The following BLVRA variants were observed in gnomAD, a reference collection of about 807,000 sequenced individuals.
The protein encoded by BLVRA is BVR A.
BLVRA carries 22 observed loss-of-function variants against 32.8 expected under a neutral mutation model. That is an observed-to-expected ratio of 0.67 (90% CI 0.48 to 0.96). The LOEUF (loss-of-function observed/expected upper bound fraction) is 0.96, where lower values mean the gene tolerates loss of function less well. BLVRA is among the 40% of genes least tolerant of loss of function. BLVRA has a pLI of 0.00. For missense variants in BLVRA, 323 were observed against 358.1 expected (o/e 0.90, Z 0.79); for synonymous variants, 119 against 141.3 (o/e 0.84, Z 1.12).
At chr7:43,799,458 GCTTT>G (rs1345911421) in intron 5 of BLVRA, among the ~76,000 whole-genome samples, 1 of 152,058 alleles carries the variant, frequency 6.6e-6, no homozygotes, top group African/African-American at 2.4e-5. Flanking sequence ...ATTGTTAACA[GCTTT>G]CTTTTATAAT....
chr7:43,784,904 G>A (rs2095775177), intron 2 of BLVRA, among the ~76,000 whole-genome samples: 1 of 152,084 alleles, frequency 6.6e-6, no homozygotes. Context: ...CTACTGCACT[G>A]GGCCTTTCAC....
At chr7:43,788,128 TC>T in intron 3 of BLVRA, 103 bp downstream of exon 3, 4 of 1,585,832 alleles carry the variant, frequency 2.5e-6, no homozygotes, top group Non-Finnish European at 2.6e-6. Context: ...GGGAGAGCCA[TC>T]TCCCAACTGA....
chr7:43,804,031 C>T (rs562069753), intron 7 of BLVRA, among the ~76,000 whole-genome samples, 184 bp downstream of exon 7: 2 of 152,314 alleles, frequency 1.3e-5, no homozygotes, highest in East Asian at 3.9e-4. Flanking sequence ...CTCAGCAGCC[C>T]TGTGAGGTAA....
rs551503141 is a variant in BLVRA at position 43,806,941 on chromosome 7, T to A, written c.633-36T>A. The stretch of plus-strand genomic sequence containing the variant: ...AGCACCCACTTGTGCTCTTGTGTAA[T>A]CTCTAACATGATTCTTTTGTCTTTT... On this transcript the variant is annotated intron_variant, in intron 7 of 7. Coordinates refer to ENST00000265523, the MANE Select transcript of BLVRA (RefSeq NM_000712.4). The A allele has an allele frequency of 2.5e-6, 4 of 1,612,134 alleles. No homozygotes were observed. In the South Asian group the frequency reaches 4.4e-5, roughly 18 times the overall value.
upstream of BLVRA, among the ~76,000 whole-genome samples, chr7:43,758,484 G>T (rs2095738583): frequency 7.3e-6 from 1 of 136,990 alleles, no homozygotes; most frequent in Non-Finnish European, 1.7e-5. Flanking sequence ...CGCACGGACG[G>T]TTCTTACGGC....
chr7:43,776,810 A>G (rs1362363946), intron 2 of BLVRA, among the ~76,000 whole-genome samples: 2 of 152,116 alleles, frequency 1.3e-5, no homozygotes, highest in Non-Finnish European at 2.9e-5. Flanking sequence ...GACTTGCTTT[A>G]TGAATCTGGG....
Position 43,788,043 on chromosome 7 carries a change from T to C in BLVRA, c.134+18T>C, listed in dbSNP as rs2095780309. ...GTGTCGAGGTGGCTCACAATGTCTT[T>C]GTGCTTCATAATTCATGGAAAGCCC... is the stretch of plus-strand genomic sequence containing the variant. On this transcript the variant is annotated intron_variant, in intron 3 of 7. Transcript: ENST00000265523. 1.9e-6 allele frequency: 3 copies of C among 1,614,096 alleles called. No homozygotes were observed. Among genetic ancestry groups the C allele is most frequent in the African/African-American group, 2.7e-5 (2 of 74,944 alleles).
In BLVRA at chr7:43,791,278, A is replaced by C; in HGVS notation, c.164A>C (p.Gln55Pro). ...GAGCTCGGGAGCATTGATGGAGTCC[A>C]GCAGATTTCTTTGGAGGATGCTCTT... ...RRELGSIDGV[Q>P]QISLEDALSS... The change falls in exon 4 of 8, where the codon CAG (glutamine) becomes CCG (proline). Residue 55 changes from glutamine to proline, a missense_variant. Gln to Pro is a moderately conservative substitution (Grantham distance 76, BLOSUM62 -1). Coordinates refer to ENST00000265523, the MANE Select transcript of BLVRA (RefSeq NM_000712.4). 6.2e-7 allele frequency: 1 copy of C among 1,614,210 alleles called. No individual in the cohort carries two copies. The highest frequency in any genetic ancestry group is 2.2e-5 in the East Asian group (1 of 44,884).
intron 1 of BLVRA, among the ~76,000 whole-genome samples, chr7:43,769,153 A>C (rs1430722324): frequency 6.6e-6 from 1 of 151,610 alleles, no homozygotes; most frequent in Non-Finnish European, 1.5e-5. Flanking sequence ...CCAGCCTCCC[A>C]AGTAGCTAGG....
At chr7:43,788,726 C>T (rs2132575958) in intron 3 of BLVRA, among the ~76,000 whole-genome samples, 1 of 152,268 alleles carries the variant, frequency 6.6e-6, no homozygotes. Flanking sequence ...CCTCCCGCCT[C>T]ACAGCTCAAG....
intron 7 of BLVRA, among the ~76,000 whole-genome samples, chr7:43,804,134 A>T (rs544685660): frequency 6.6e-6 from 1 of 152,236 alleles, no homozygotes; most frequent in African/African-American, 2.4e-5. Flanking sequence ...TTCATAGCAG[A>T]TTAGTAGTGG....
At chr7:43,803,987 C>A in intron 7 of BLVRA, 140 bp downstream of exon 7, 1 of 957,864 alleles carries the variant, frequency 1.0e-6, no homozygotes, top group Non-Finnish European at 1.6e-6. Flanking sequence ...AGATGGAGTG[C>A]TGAGATTGCA....
intron 6 of BLVRA, among the ~76,000 whole-genome samples, chr7:43,802,184 C>A (rs558720232): frequency 2.6e-5 from 4 of 152,202 alleles, no homozygotes; most frequent in African/African-American, 9.6e-5. Flanking sequence ...CAGACAGTAA[C>A]CAGCCCTGGG....
rs901475463 is a variant in BLVRA, at chr7:43,765,495, G to T, written c.-21-5643G>T. ...TTGAACTCCTGGCCTCAAGTGATCC[G>T]CCCGCCTCGGCCTCCCAAAGTGCTA... On this transcript the variant is annotated intron_variant, in intron 1 of 7. Transcript: ENST00000265523. 2.0e-5 allele frequency among the ~76,000 whole-genome samples: 3 copies of T among 152,014 alleles called. No homozygotes were observed. In the South Asian group the frequency reaches 6.2e-4, roughly 32 times the overall value.
chr7:43,788,619 A>T lies in BLVRA; in HGVS notation c.134+594A>T, dbSNP rs767464727. ...GAGCCTCACTTTTATTATTATTATT[A>T]TTTTTTTTGAGACAGAGTCTCACTC... is the stretch of plus-strand genomic sequence containing the variant. On this transcript the variant is annotated intron_variant, in intron 3 of 7. Transcript: ENST00000265523. Among the ~76,000 whole-genome samples, 65 of 151,398 alleles carry T rather than the reference A, an allele frequency of 4.3e-4. 1 individual carries two copies. The highest frequency in any genetic ancestry group is 1.6e-3 in the East Asian group (8 of 5,160).
intron 6 of BLVRA, among the ~76,000 whole-genome samples, chr7:43,802,197 A>G (rs2095799411): frequency 6.6e-6 from 1 of 152,118 alleles, no homozygotes; most frequent in Non-Finnish European, 1.5e-5. Flanking sequence ...GCCCTGGGGA[A>G]GTCTTTTTGT....
At chr7:43,785,507 A>G (rs1462949783) in intron 2 of BLVRA, among the ~76,000 whole-genome samples, 1 of 151,982 alleles carries the variant, frequency 6.6e-6, no homozygotes, top group Non-Finnish European at 1.5e-5. Context: ...TGTGAAGTCC[A>G]CTCCCAGGAC....
At chr7:43,767,289 T>G in intron 1 of BLVRA, 1 of 1,123,480 alleles carries the variant, frequency 8.9e-7, no homozygotes, top group East Asian at 2.4e-5. Context: ...ACAACTACAC[T>G]GTGGAGCACC....
chr7:43,785,358 C>T (rs1417617603), intron 2 of BLVRA, among the ~76,000 whole-genome samples: 1 of 146,150 alleles, frequency 6.8e-6, no homozygotes, highest in Non-Finnish European at 1.5e-5. Flanking sequence ...GAAAAGAAAA[C>T]AAGACTAGTA....
Sources: gnomAD v4.1 joint callset for allele counts (sites outside exome capture counted in the v4.1 genomes callset) on GRCh38, gnomAD v4.1.1 for gene constraint, MANE v1.5 for transcripts, NCBI Gene and HGNC (gene_info 2026-07-23, HGNC 2026-07-21) for gene names.